Variants in SKI observed in about 807,000 individuals in gnomAD.
The protein encoded by SKI is ski oncogene.
Under a neutral mutation model 59.3 loss-of-function variants are expected in SKI, and 23 were observed. That is an observed-to-expected ratio of 0.39 (90% CI 0.28 to 0.55). The LOEUF (loss-of-function observed/expected upper bound fraction) is 0.55. SKI is among the 20% of genes least tolerant of loss of function. The pLI, the probability that SKI is intolerant of heterozygous loss-of-function variation, is 0.67. For missense variants in SKI, 1,017 were observed against 1,038.9 expected (o/e 0.98, Z 0.29); for synonymous variants, 673 against 488.6 (o/e 1.38, Z -4.98).
rs1569859265 is a variant in SKI, at chr1:2,303,654, C to G, written c.1212-186C>G. 2.4e-6 allele frequency: 2 copies of G among 832,226 alleles called. No individual in the cohort carries two copies. Among genetic ancestry groups the G allele is most frequent in the Non-Finnish European group, 3.8e-6 (2 of 531,362 alleles). 51.6% of individuals were successfully genotyped at this position (832,226 alleles called of 1,614,324 possible). A position where few individuals can be genotyped will look rare whatever the true frequency, so the allele number is the denominator to read the frequency against. On this transcript the variant is annotated intron_variant, in intron 3 of 6. Coordinates refer to ENST00000378536, the MANE Select transcript of SKI (RefSeq NM_003036.4). The surrounding 1 kb of genome is among the most constrained non-coding windows in gnomAD (Gnocchi z 5.6). ...TCTTGATGTGTTGGCCTGTGTCTGG[C>G]CTTCGCAAGAGACCCAGCAAGCAGA...
chr1:2,280,717 C>T (rs1370872600), intron 1 of SKI, among the ~76,000 whole-genome samples: 2 of 4,934 alleles, frequency 4.1e-4, no homozygotes, highest in African/African-American at 8.3e-4. Context: ...CAGGCGGCGG[C>T]GGCGATCTTC....
chr1:2,247,219 A>G (rs539592671), intron 1 of SKI, among the ~76,000 whole-genome samples: 1 of 152,118 alleles, frequency 6.6e-6, no homozygotes. Flanking sequence ...ACTCCATCTT[A>G]AAAAAACAAA....
intron 1 of SKI, among the ~76,000 whole-genome samples, chr1:2,285,845 C>G (rs1487885951): frequency 6.8e-6 from 1 of 146,676 alleles, no homozygotes; most frequent in African/African-American, 2.5e-5. Flanking sequence ...GGATTACAGG[C>G]GTGAGCCACC....
At position 2,306,049 on chromosome 1, in the gene SKI, G is replaced by A. The variant is rs767488534; in HGVS notation, c.1797G>A (p.Lys599=). The part of the protein sequence containing the change: ...QELEFLRVAK[K]EKLREATEAK... ...TGGAGTTCCTACGCGTGGCCAAGAA[G>A]GAGAAGCTGCGGGAGGCCACGGAGG... Residue 599 remains lysine, a synonymous_variant, in exon 6 of 7, where the codon AAG becomes AAA. Transcript: ENST00000378536. 13 of 1,596,632 alleles carry A rather than the reference G, an allele frequency of 8.1e-6. No homozygotes were observed. Among genetic ancestry groups the A allele is most frequent in the African/African-American group, 2.7e-5 (2 of 74,790 alleles).
intron 1 of SKI, among the ~76,000 whole-genome samples, chr1:2,277,783 G>A (rs969092105): frequency 2.8e-5 from 4 of 141,726 alleles, no homozygotes; most frequent in South Asian, 4.7e-4. Flanking sequence ...GTGCACACAC[G>A]TCAGCACCGT....
intron 1 of SKI, among the ~76,000 whole-genome samples, chr1:2,289,508 G>A (rs1214817245): frequency 2.1e-5 from 3 of 140,156 alleles, no homozygotes; most frequent in Non-Finnish European, 3.1e-5. Context: ...GGGGTGGGGG[G>A]GTGCAGGGCA....
intron 1 of SKI, among the ~76,000 whole-genome samples, chr1:2,243,986 C>T (rs1049551766): frequency 1.4e-5 from 2 of 145,166 alleles, no homozygotes; most frequent in Non-Finnish European, 3.1e-5. Context: ...CTTTTTTTGA[C>T]ACAGAGTCTC....
intron 1 of SKI, among the ~76,000 whole-genome samples, chr1:2,257,118 A>G (rs1470915402): frequency 6.6e-6 from 1 of 152,128 alleles, no homozygotes; most frequent in Non-Finnish European, 1.5e-5. Flanking sequence ...TTTCGTTTCT[A>G]AGATATCTAT....
At chr1:2,273,136 G>T (rs930119242) in intron 1 of SKI, among the ~76,000 whole-genome samples, 2 of 152,232 alleles carry the variant, frequency 1.3e-5, no homozygotes, top group Non-Finnish European at 2.9e-5. Context: ...GACCAAGGGG[G>T]TGTTTTCGGC....
At position 2,307,677 on chromosome 1, in the gene SKI, A is replaced by G. The variant is rs1640631234; in HGVS notation, c.*912A>G. The stretch of plus-strand genomic sequence containing the variant: ...GGCTGCAGCATTGGAACAAAAGAGC[A>G]TTATTTCAATTTTTCTTTCTTTTTT... On this transcript the variant is annotated 3_prime_UTR_variant, in exon 7 of 7. Transcript: ENST00000378536. The G allele has an allele frequency of 6.6e-6, 1 of 152,486 alleles. No individual in the cohort carries two copies. Among genetic ancestry groups the G allele is most frequent in the Non-Finnish European group, 1.5e-5 (1 of 68,036 alleles). 9.4% of individuals were successfully genotyped at this position (152,486 alleles called of 1,614,324 possible).
rs567703150 is a variant in SKI at position 2,300,981 on chromosome 1, G to A, written c.970-1997G>A. On this transcript the variant is annotated intron_variant, in intron 1 of 6. Transcript: ENST00000378536. The stretch of plus-strand genomic sequence containing the variant: ...TTCTCAGGCGTTGGCTCTCATGGAG[G>A]TGGCCTGAGGCATCTGACTCTTTCC... Among the ~76,000 whole-genome samples, 8 of 152,322 alleles carry A rather than the reference G, an allele frequency of 5.3e-5. No individual in the cohort carries two copies. In the South Asian group the frequency reaches 1.7e-3, roughly 32 times the overall value.
At chr1:2,292,849 C>T (rs1569836338) in intron 1 of SKI, among the ~76,000 whole-genome samples, 1 of 152,160 alleles carries the variant, frequency 6.6e-6, no homozygotes, top group Admixed American at 6.5e-5. Context: ...GTGCAGAGTC[C>T]CCTTCGGAGG....
At chr1:2,296,109 G>T (rs1311757186) in intron 1 of SKI, among the ~76,000 whole-genome samples, 1 of 151,970 alleles carries the variant, frequency 6.6e-6, no homozygotes, top group Non-Finnish European at 1.5e-5. Flanking sequence ...TCTAGGCCAG[G>T]CGCTCATGCC....
rs780565277 is a variant in SKI at position 2,229,722 on chromosome 1, G to C, written c.956G>C (p.Arg319Pro). 1 of 1,567,296 alleles carries C rather than the reference G, an allele frequency of 6.4e-7. No homozygotes were observed. Among genetic ancestry groups the C allele is most frequent in the East Asian group, 2.4e-5 (1 of 41,816 alleles). The part of the protein sequence containing the change: ...EKFDYGNKYK[R>P]RVPRVSSEPP... ...TTCGACTATGGCAACAAGTACAAGC[G>C]GCGGGTGCCCCGGGTGAGTGGCCCC... The change falls in exon 1 of 7, where the codon CGG becomes CCG. Residue 319 changes from arginine to proline, a missense_variant. By Grantham distance (103) the Arg-to-Pro change is moderately radical (BLOSUM62 -2). Transcript: ENST00000378536. The surrounding 1 kb of genome is among the most constrained non-coding windows in gnomAD (Gnocchi z 6.3).
chr1:2,258,577 CAG>C (rs1369918569), intron 1 of SKI, among the ~76,000 whole-genome samples: 1 of 142,610 alleles, frequency 7.0e-6, no homozygotes, highest in Non-Finnish European at 1.5e-5. Context: ...GTTTTTGAGT[CAG>C]AGTCTAGGTC....
chr1:2,230,494 T>A (rs1638610755), intron 1 of SKI, among the ~76,000 whole-genome samples: 1 of 152,164 alleles, frequency 6.6e-6, no homozygotes. Context: ...GTGCTGGAGT[T>A]ACTGGCGGCC....
chr1:2,296,502 G>A (rs1020185365), intron 1 of SKI, among the ~76,000 whole-genome samples: 1 of 152,186 alleles, frequency 6.6e-6, no homozygotes, highest in Non-Finnish European at 1.5e-5. Flanking sequence ...CTTTGCATGC[G>A]GTTACTGGAT....
intron 1 of SKI, among the ~76,000 whole-genome samples, chr1:2,249,720 C>T (rs1043970558): frequency 6.6e-5 from 10 of 152,320 alleles, no homozygotes; most frequent in African/African-American, 2.2e-4. Context: ...CTGGCCGCGG[C>T]CTCATGGGGC....
chr1:2,244,771 C>T (rs1638956496), intron 1 of SKI, among the ~76,000 whole-genome samples: 1 of 152,002 alleles, frequency 6.6e-6, no homozygotes, highest in South Asian at 2.1e-4. Flanking sequence ...ATAATGTTGA[C>T]CATTACATGT....
Sources: allele counts gnomAD v4.1 joint callset (sites outside exome capture counted in the v4.1 genomes callset), GRCh38; gene constraint gnomAD v4.1.1; non-coding constraint Gnocchi (gnomAD v3.1); transcripts MANE v1.5; gene names NCBI Gene and HGNC (gene_info 2026-07-23, HGNC 2026-07-21).